The following GNA14 variants were observed in gnomAD, a reference collection of about 807,000 sequenced individuals.
GNA14 encodes the protein G protein subunit alpha 14.
Under a neutral mutation model 42.0 loss-of-function variants are expected in GNA14, and 50 were observed. The ratio of observed to expected loss-of-function variants is 1.19; its 90% confidence interval spans 0.95 to 1.51. The LOEUF is 1.51. Among genes scored for constraint, GNA14 ranks in the 40% most tolerant of loss-of-function variants. The probability of loss-of-function intolerance (pLI) is 0.00; values close to 1 mark genes in which losing one functional copy is unlikely to be tolerated. For missense variants in GNA14, 473 were observed against 446.2 expected, an observed-to-expected ratio of 1.06 and a Z score of -0.54; for synonymous variants, 173 against 163.1, an observed-to-expected ratio of 1.06 and a Z score of -0.46.
chr9:77,625,021 C>T lies in GNA14; in HGVS notation c.124+22649G>A, dbSNP rs939458478. On this transcript the variant is annotated intron_variant, in intron 1 of 6. Coordinates refer to ENST00000341700, the MANE Select transcript of GNA14 (RefSeq NM_004297.4). ...TAAGAACCTTGAAAAAAAGGCTATA[C>T]GAATTGCTAACTAGAATAAACAGTT... Among the ~76,000 whole-genome samples the T allele has an allele frequency of 4.5e-4, 69 of 151,686 alleles. 1 individual carries two copies. The highest frequency in any genetic ancestry group is 1.3e-4 in the Admixed American group (2 of 15,224).
At chr9:77,635,718 G>A (rs961229504) in intron 1 of GNA14, among the ~76,000 whole-genome samples, 1 of 152,042 alleles carries the variant, frequency 6.6e-6, no homozygotes, top group Non-Finnish European at 1.5e-5. Flanking sequence ...CAAATCAATG[G>A]CATATCTCAT....
intron 2 of GNA14, among the ~76,000 whole-genome samples, chr9:77,442,754 T>G (rs1391398082): frequency 6.6e-6 from 1 of 152,194 alleles, no homozygotes; most frequent in African/African-American, 2.4e-5. Context: ...AGATAACATC[T>G]TCCTCATCCT....
rs181271487 is a variant in GNA14, at chr9:77,535,633, T to C, written c.125-6380A>G. Among the ~76,000 whole-genome samples, 98 of 152,310 alleles carry C rather than the reference T, an allele frequency of 6.4e-4. 1 individual carries two copies. In the Middle Eastern group the frequency reaches 0.01, roughly 16 times the overall value. On this transcript the variant is annotated intron_variant, in intron 1 of 6. Coordinates refer to ENST00000341700, the MANE Select transcript of GNA14 (RefSeq NM_004297.4). ...GAGAAATTCCAAATGACTCCCTACC[T>C]AAGTGCAGGACAGCATCCAATGAGG... is the stretch of plus-strand genomic sequence containing the variant.
intron 1 of GNA14, among the ~76,000 whole-genome samples, chr9:77,595,210 T>A (rs1480153023): frequency 6.6e-6 from 1 of 152,052 alleles, no homozygotes; most frequent in Admixed American, 6.5e-5. Context: ...ACAGAGCTGA[T>A]GCTTGGTGAA....
intron 2 of GNA14, chr9:77,456,550 ATAAACAGGTG>A (rs748201651): frequency 6.6e-6 from 1 of 152,266 alleles, no homozygotes; most frequent in Non-Finnish European, 1.5e-5. Context: ...TTGGTAAGTT[ATAAACAGGTG>A]TAAGAGAATA....
At chr9:77,566,914 C>A (rs1235704051) in intron 1 of GNA14, among the ~76,000 whole-genome samples, 1 of 152,116 alleles carries the variant, frequency 6.6e-6, no homozygotes, top group East Asian at 1.9e-4. Context: ...AAATGCTACG[C>A]TAATTAAAAA....
At chr9:77,469,232 G>A (rs1836285380) in intron 2 of GNA14, among the ~76,000 whole-genome samples, 2 of 151,950 alleles carry the variant, frequency 1.3e-5, no homozygotes, top group South Asian at 4.1e-4. Context: ...CTTAGCATGT[G>A]CCCTATCTTA....
intron 4 of GNA14, among the ~76,000 whole-genome samples, chr9:77,429,910 C>G (rs1283976787): frequency 6.6e-6 from 1 of 151,902 alleles, no homozygotes; most frequent in Non-Finnish European, 1.5e-5. Flanking sequence ...TAACCCCCAC[C>G]CACCCCTACA....
chr9:77,594,583 AT>A (rs549677461), intron 1 of GNA14, among the ~76,000 whole-genome samples: 81 of 152,324 alleles, frequency 5.3e-4, no homozygotes, highest in African/African-American at 1.9e-3. Context: ...AGTTGGAAAA[AT>A]GTCCTTTTTC....
chr9:77,494,049 T>C (rs113412373), intron 2 of GNA14, among the ~76,000 whole-genome samples: 6 of 152,218 alleles, frequency 3.9e-5, no homozygotes, highest in African/African-American at 1.4e-4. Flanking sequence ...GCCTCCCAAG[T>C]AGCTTGGATT....
chr9:77,515,325 C>T (rs188848671), intron 2 of GNA14, among the ~76,000 whole-genome samples: 10 of 152,262 alleles, frequency 6.6e-5, no homozygotes, highest in Admixed American at 5.9e-4. Flanking sequence ...GAAAGGGAAG[C>T]AGAGAGAGGA....
chr9:77,431,706 T>C (rs1202248302), intron 3 of GNA14: 1 of 367,464 alleles, frequency 2.7e-6, no homozygotes, highest in East Asian at 4.1e-5. Flanking sequence ...CCTCCTGGGT[T>C]CTAAGCTCTA....
At chr9:77,575,887 T>C (rs1165454525) in intron 1 of GNA14, among the ~76,000 whole-genome samples, 1 of 152,198 alleles carries the variant, frequency 6.6e-6, no homozygotes, top group Non-Finnish European at 1.5e-5. Context: ...AGAACTGCCA[T>C]TTTGTGTCAA....
At chr9:77,476,029 C>T (rs1564025566) in intron 2 of GNA14, among the ~76,000 whole-genome samples, 1 of 152,134 alleles carries the variant, frequency 6.6e-6, no homozygotes, top group Non-Finnish European at 1.5e-5. Flanking sequence ...GGCAGAAATA[C>T]ATGTGACTAA....
intron 1 of GNA14, among the ~76,000 whole-genome samples, chr9:77,612,524 T>C (rs1823750298): frequency 6.6e-6 from 1 of 152,038 alleles, no homozygotes; most frequent in African/African-American, 2.4e-5. Context: ...AAGCAAATAC[T>C]AAAACCTAAA....
chr9:77,428,078 T>C (rs1413281778), intron 5 of GNA14, among the ~76,000 whole-genome samples: 1 of 146,060 alleles, frequency 6.8e-6, no homozygotes, highest in Non-Finnish European at 1.5e-5. Context: ...TTTCTTTTTT[T>C]TTTTCTTTTT....
chr9:77,430,370 A>G (rs1296744961), intron 4 of GNA14, among the ~76,000 whole-genome samples: 1 of 152,242 alleles, frequency 6.6e-6, no homozygotes, highest in Non-Finnish European at 1.5e-5. Flanking sequence ...AAATAAAAGT[A>G]TTTTTTAAAA....
chr9:77,566,025 G>T (rs571074807), intron 1 of GNA14, among the ~76,000 whole-genome samples: 1 of 152,068 alleles, frequency 6.6e-6, no homozygotes, highest in Non-Finnish European at 1.5e-5. Context: ...TAAACATCTG[G>T]CAATGCACAG....
chr9:77,431,200 G>C (rs1835546217), intron 4 of GNA14, 121 bp downstream of exon 4: 2 of 866,508 alleles, frequency 2.3e-6, no homozygotes, highest in Non-Finnish European at 3.5e-6. Context: ...ACCCTTGGCA[G>C]AGAGGGTCAC....
Sources: allele counts gnomAD v4.1 joint callset (sites outside exome capture counted in the v4.1 genomes callset), GRCh38; gene constraint gnomAD v4.1.1; transcripts MANE v1.5; gene names NCBI Gene and HGNC (gene_info 2026-07-23, HGNC 2026-07-21).